BTG4: variants seen among roughly 807,000 people sequenced by gnomAD.
BTG4 encodes the protein protein BTG4.
A neutral mutation model predicts 19.3 loss-of-function variants in BTG4; 10 were observed. The observed-to-expected ratio is 0.52, with a 90% confidence interval of 0.32 to 0.88. The LOEUF (loss-of-function observed/expected upper bound fraction) is 0.88, where lower values mean the gene tolerates loss of function less well. BTG4 is among the 40% of genes least tolerant of loss of function. The pLI is 0.04. For missense variants in BTG4, 238 were observed against 281.9 expected (o/e 0.84, Z 1.11); for synonymous variants, 91 against 95.7 (o/e 0.95, Z 0.29).
At chr11:111,442,260 G>A in the BTG4 span, among the ~76,000 whole-genome samples, 2 of 150,956 alleles carry the variant, frequency 1.3e-5, no homozygotes, top group Admixed American at 6.6e-5. Context: ...CAGCAATTTG[G>A]GAGGTCGAGG....
the BTG4 span, among the ~76,000 whole-genome samples, chr11:111,453,955 A>C: frequency 9.1e-4 from 138 of 152,346 alleles, 3 homozygotes; most frequent in East Asian, 0.026. Flanking sequence ...TGGTCCTCAG[A>C]CAGCCACACT....
chr11:111,449,177 C>T, the BTG4 span, among the ~76,000 whole-genome samples: 1 of 152,130 alleles, frequency 6.6e-6, no homozygotes, highest in Non-Finnish European at 1.5e-5. Context: ...TGACTCCTCC[C>T]CTGCCCTGTT....
At chr11:111,496,970 T>C (rs1056758479) in intron 4 of BTG4, 1 of 406,042 alleles carries the variant, frequency 2.5e-6, no homozygotes. Context: ...CTTCAAATAC[T>C]GTATGAAGAA....
chr11:111,466,607 G>GTGGATGGA (rs538691700), downstream of BTG4: 1 of 152,222 alleles, frequency 6.6e-6, no homozygotes, highest in Non-Finnish European at 1.5e-5. Context: ...GGATGGGTGG[G>GTGGATGGA]TGGATGGATG....
the BTG4 span, among the ~76,000 whole-genome samples, chr11:111,403,019 A>G: frequency 2.6e-5 from 4 of 152,168 alleles, no homozygotes; most frequent in African/African-American, 7.2e-5. Context: ...TTTCAGAATA[A>G]GTCCCTTTAG....
intron 5 of BTG4, among the ~76,000 whole-genome samples, chr11:111,479,815 A>C (rs1864623263): frequency 6.6e-6 from 1 of 152,118 alleles, no homozygotes; most frequent in Admixed American, 6.6e-5. Flanking sequence ...CATATAATGC[A>C]ATACCTAGAG....
chr11:111,488,869 G>A (rs1277730529), intron 5 of BTG4, among the ~76,000 whole-genome samples: 1 of 152,148 alleles, frequency 6.6e-6, no homozygotes, highest in Non-Finnish European at 1.5e-5. Flanking sequence ...AACAAGGCCG[G>A]CCACGGTGGC....
intron 5 of BTG4, among the ~76,000 whole-genome samples, chr11:111,482,976 A>T (rs1255443986): frequency 1.3e-5 from 2 of 152,172 alleles, no homozygotes; most frequent in African/African-American, 4.8e-5. Context: ...CGTCATTAAG[A>T]GGATAAAACA....
chr11:111,472,751 C>G (rs1186451192), intron 5 of BTG4, among the ~76,000 whole-genome samples: 1 of 152,196 alleles, frequency 6.6e-6, no homozygotes. Flanking sequence ...CCTTCCTCAG[C>G]TGGAATGTAA....
chr11:111,406,925 A>T, the BTG4 span, among the ~76,000 whole-genome samples: 7 of 152,250 alleles, frequency 4.6e-5, no homozygotes, highest in African/African-American at 1.2e-4. Context: ...ACCTCATTTC[A>T]CATCCTACTC....
At chr11:111,410,247 G>A in the BTG4 span, among the ~76,000 whole-genome samples, 2 of 151,968 alleles carry the variant, frequency 1.3e-5, no homozygotes. Flanking sequence ...TGGACTACAG[G>A]TGCACAGCAT....
chr11:111,464,841 G>A (rs755459222), downstream of BTG4, among the ~76,000 whole-genome samples: 4 of 152,032 alleles, frequency 2.6e-5, no homozygotes, highest in South Asian at 8.3e-4. Flanking sequence ...CCCATATAAG[G>A]AATAACAAAT....
At chr11:111,429,554 G>A in the BTG4 span, among the ~76,000 whole-genome samples, 1 of 152,156 alleles carries the variant, frequency 6.6e-6, no homozygotes, top group Non-Finnish European at 1.5e-5. Context: ...AAACAGATAA[G>A]GTATCCCTGG....
chr11:111,385,039 T>C, the BTG4 span: 1 of 152,118 alleles, frequency 6.6e-6, no homozygotes, highest in South Asian at 2.1e-4. Flanking sequence ...TAAAAGTGGA[T>C]CTGAAGTAGG....
the BTG4 span, among the ~76,000 whole-genome samples, chr11:111,437,566 A>T: frequency 6.6e-6 from 1 of 152,224 alleles, no homozygotes; most frequent in East Asian, 1.9e-4. Context: ...AGGTTAGGCC[A>T]ATGCCAGTGA....
intron 5 of BTG4, among the ~76,000 whole-genome samples, chr11:111,488,459 T>C (rs1183841781): frequency 6.6e-6 from 1 of 152,168 alleles, no homozygotes; most frequent in African/African-American, 2.4e-5. Context: ...AAAGATGGAT[T>C]AAGAACTTAA....
At chr11:111,483,038 C>T (rs145913330) in intron 5 of BTG4, among the ~76,000 whole-genome samples, 131 of 152,150 alleles carry the variant, frequency 8.6e-4, no homozygotes, top group African/African-American at 3.0e-3. Flanking sequence ...AGCAAGCATC[C>T]CCCTACAGGA....
chr11:111,398,666 A>G, the BTG4 span, among the ~76,000 whole-genome samples: 6 of 152,096 alleles, frequency 3.9e-5, no homozygotes, highest in South Asian at 2.1e-4. Flanking sequence ...TTGCATTTCT[A>G]TGTTCCAGGT....
At chr11:111,412,560 G>A in the BTG4 span, among the ~76,000 whole-genome samples, 8,772 of 152,272 alleles carry the variant, frequency 0.058, 275 homozygotes, top group Middle Eastern at 0.16. Context: ...AACAACAACA[G>A]TGAATAACAT....
Sources: allele counts gnomAD v4.1 joint callset (sites outside exome capture counted in the v4.1 genomes callset), GRCh38; gene constraint gnomAD v4.1.1; transcripts MANE v1.5; gene names NCBI Gene and HGNC (gene_info 2026-07-23, HGNC 2026-07-21).